Variants in CSMD1 observed in about 807,000 individuals in gnomAD.
The protein encoded by CSMD1 is CUB and sushi domain-containing protein 1.
CSMD1 carries 213 observed loss-of-function variants against 417.5 expected under a neutral mutation model. That is an observed-to-expected ratio of 0.51 (90% CI 0.46 to 0.57). The LOEUF is 0.57. Ranked by LOEUF, CSMD1 falls within the 20% of genes least tolerant of loss-of-function variation. The pLI, the probability that CSMD1 is intolerant of heterozygous loss-of-function variation, is 0.00. For synonymous variants in CSMD1, 2,862 were observed against 1,736.8 expected, an observed-to-expected ratio of 1.65 and a Z score of -16.11; for missense variants, 6,923 against 4,529.7, an observed-to-expected ratio of 1.53 and a Z score of -15.17.
intron 5 of CSMD1, among the ~76,000 whole-genome samples, chr8:3,776,761 T>C (rs1286607118): frequency 2.8e-5 from 4 of 142,140 alleles, no homozygotes; most frequent in African/African-American, 5.7e-5. Flanking sequence ...AGAAAAAAGA[T>C]ACAGAGATGA....
At chr8:3,280,715 A>G (rs1374233911) in intron 26 of CSMD1, among the ~76,000 whole-genome samples, 1 of 64,034 alleles carries the variant, frequency 1.6e-5, no homozygotes, top group African/African-American at 4.2e-5. Flanking sequence ...TGGAAAACTG[A>G]GTAAAAAATA....
intron 3 of CSMD1, among the ~76,000 whole-genome samples, chr8:4,192,455 C>A (rs142707415): frequency 1.3e-5 from 2 of 152,016 alleles, no homozygotes; most frequent in African/African-American, 4.8e-5. Context: ...TGTGGCTCTC[C>A]GTGAATCTCG....
At chr8:3,371,198 C>A (rs560973138) in intron 18 of CSMD1, among the ~76,000 whole-genome samples, 1 of 152,240 alleles carries the variant, frequency 6.6e-6, no homozygotes, top group East Asian at 1.9e-4. Flanking sequence ...ACCTTTTGGC[C>A]TCCCAAACAC....
chr8:4,633,905 T>C (rs1288696400), intron 2 of CSMD1, among the ~76,000 whole-genome samples: 1 of 151,700 alleles, frequency 6.6e-6, no homozygotes, highest in Non-Finnish European at 1.5e-5. Context: ...GGTGACTGCA[T>C]GGTTGGACCT....
At chr8:4,830,295 A>G (rs182774641) in intron 1 of CSMD1, among the ~76,000 whole-genome samples, 110 of 152,290 alleles carry the variant, frequency 7.2e-4, no homozygotes, top group Middle Eastern at 6.8e-3. Context: ...TGAGGTTTCT[A>G]TTTCCTTTCT....
chr8:4,865,642 A>T (rs1261711901), intron 1 of CSMD1, among the ~76,000 whole-genome samples: 1 of 151,848 alleles, frequency 6.6e-6, no homozygotes, highest in African/African-American at 2.4e-5. Flanking sequence ...AGTACAATGC[A>T]CTTCAATTTT....
At chr8:4,449,354 C>CT (rs1351573466) in intron 2 of CSMD1, among the ~76,000 whole-genome samples, 2 of 152,142 alleles carry the variant, frequency 1.3e-5, no homozygotes, top group Non-Finnish European at 2.9e-5. Flanking sequence ...CTCCCCCTCT[C>CT]TTTTTTTCCA....
At chr8:4,412,142 A>G (rs978269067) in intron 3 of CSMD1, among the ~76,000 whole-genome samples, 6 of 152,220 alleles carry the variant, frequency 3.9e-5, no homozygotes, top group East Asian at 3.9e-4. Context: ...GATTAGCTAA[A>G]TATCTCAATG....
chr8:4,177,553 A>G (rs1798122421), intron 3 of CSMD1, among the ~76,000 whole-genome samples: 1 of 152,104 alleles, frequency 6.6e-6, no homozygotes, highest in African/African-American at 2.4e-5. Context: ...ATTCAAAGCT[A>G]GCAGAAGGCA....
At chr8:4,747,536 T>C (rs1811036898) in intron 1 of CSMD1, among the ~76,000 whole-genome samples, 1 of 152,174 alleles carries the variant, frequency 6.6e-6, no homozygotes, top group Non-Finnish European at 1.5e-5. Flanking sequence ...CACTGATATT[T>C]GTCTTAATTT....
At chr8:4,374,174 C>T (rs1258826706) in intron 3 of CSMD1, among the ~76,000 whole-genome samples, 4 of 152,128 alleles carry the variant, frequency 2.6e-5, no homozygotes, top group African/African-American at 7.2e-5. Flanking sequence ...TTAGATCCCC[C>T]CTCTGAGTTC....
intron 5 of CSMD1, among the ~76,000 whole-genome samples, chr8:3,802,870 T>C (rs753638900): frequency 9.2e-5 from 14 of 152,306 alleles, no homozygotes; most frequent in South Asian, 2.1e-4. Flanking sequence ...TTAGATGATG[T>C]GGTCTTTAAA....
At chr8:4,039,644 G>C (rs1585185276) in intron 3 of CSMD1, among the ~76,000 whole-genome samples, 2 of 152,156 alleles carry the variant, frequency 1.3e-5, no homozygotes, top group Admixed American at 1.3e-4. Context: ...GGACCTCATG[G>C]GACGTAATCA....
intron 12 of CSMD1, among the ~76,000 whole-genome samples, chr8:3,415,803 GTAA>G (rs1338195353): frequency 6.6e-6 from 1 of 152,158 alleles, no homozygotes. Context: ...AAGTATACAA[GTAA>G]TAAATGGAAG....
At chr8:4,770,010 G>A (rs1006235939) in intron 1 of CSMD1, among the ~76,000 whole-genome samples, 1 of 151,798 alleles carries the variant, frequency 6.6e-6, no homozygotes, top group South Asian at 2.1e-4. Context: ...TTTGCAGAAA[G>A]ACATTATTCT....
chr8:4,289,866 C>T (rs886644704), intron 3 of CSMD1, among the ~76,000 whole-genome samples: 1 of 152,092 alleles, frequency 6.6e-6, no homozygotes, highest in Non-Finnish European at 1.5e-5. Flanking sequence ...AGTGTATTTG[C>T]TACAAACAAG....
chr8:4,710,951 G>A lies in CSMD1; in HGVS notation c.86-73393C>T, dbSNP rs931971912. ...ACATAAAAGGACCATGCCCTATCCT[G>A]AGACAAATGATGGTGCTCTTGGATG... On this transcript the variant is annotated intron_variant, in intron 1 of 69. Transcript: ENST00000635120. Among the ~76,000 whole-genome samples the A allele has an allele frequency of 4.6e-5, 7 of 152,168 alleles. No homozygotes were observed. In the East Asian group the frequency reaches 1.2e-3, roughly 25 times the overall value.
chr8:4,770,491 G>T (rs927555505), intron 1 of CSMD1, among the ~76,000 whole-genome samples: 6 of 150,728 alleles, frequency 4.0e-5, no homozygotes, highest in African/African-American at 1.5e-4. Context: ...AACCCTAAAA[G>T]ACCTCAAATA....
At position 4,646,975 on chromosome 8, in the gene CSMD1, C is replaced by T. The variant is rs373019841; in HGVS notation, c.86-9417G>A. 1.6e-3 allele frequency among the ~76,000 whole-genome samples: 243 copies of T among 152,262 alleles called. 1 individual carries two copies. Among genetic ancestry groups the T allele is most frequent in the African/African-American group, 4.5e-3 (186 of 41,532 alleles). Reference sequence around the variant, plus strand: ...AATGTCCAACACATTTTCTCTCTCCCGGGATGTGGACCTAGTCATAGACTA... The same window carrying T: ...AATGTCCAACACATTTTCTCTCTCCTGGGATGTGGACCTAGTCATAGACTA... On this transcript the variant is annotated intron_variant, in intron 1 of 69. Coordinates refer to ENST00000635120, the MANE Select transcript of CSMD1 (RefSeq NM_033225.6).
Sources: gnomAD v4.1 joint callset for allele counts (sites outside exome capture counted in the v4.1 genomes callset) on GRCh38, gnomAD v4.1.1 for gene constraint, MANE v1.5 for transcripts, NCBI Gene and HGNC (gene_info 2026-07-23, HGNC 2026-07-21) for gene names.